CEP135: variants seen among roughly 807,000 people sequenced by gnomAD.
CEP135 encodes the protein centrosomal protein of 135 kDa.
CEP135 carries 142 observed loss-of-function variants against 157.3 expected under a neutral mutation model. The observed-to-expected ratio is 0.90, with a 90% CI of 0.79 to 1.04. The LOEUF is 1.04. Ranked by LOEUF, CEP135 falls within the 50% of genes least tolerant of loss-of-function variation. The pLI, the probability that CEP135 is intolerant of heterozygous loss-of-function variation, is 0.00. For synonymous variants in CEP135, 396 were observed against 439.8 expected, an observed-to-expected ratio of 0.90 and a Z score of 1.25; for missense variants, 1,317 against 1,309.2, an observed-to-expected ratio of 1.01 and a Z score of -0.09.
intron 17 of CEP135, among the ~76,000 whole-genome samples, chr4:56,007,213 T>C (rs1157157572): frequency 6.6e-6 from 1 of 152,172 alleles, no homozygotes; most frequent in Non-Finnish European, 1.5e-5. Context: ...TTGGTTTTCA[T>C]TGGTTACATT....
At chr4:55,958,435 C>A (rs993381978) in intron 5 of CEP135, among the ~76,000 whole-genome samples, 1 of 152,120 alleles carries the variant, frequency 6.6e-6, no homozygotes, top group Non-Finnish European at 1.5e-5. Context: ...ACCCTTTGAG[C>A]TACTGATTAG....
chr4:55,979,304 C>G (rs1025986499), intron 11 of CEP135, among the ~76,000 whole-genome samples: 1 of 151,970 alleles, frequency 6.6e-6, no homozygotes, highest in Non-Finnish European at 1.5e-5. Flanking sequence ...TCAGAGTGCT[C>G]TCATCTTTAT....
intron 21 of CEP135, 112 bp downstream of exon 21, chr4:56,012,097 G>T: frequency 2.8e-6 from 2 of 711,648 alleles, no homozygotes; most frequent in Non-Finnish European, 4.1e-6. Context: ...TGACTCTGTT[G>T]CCCAGGCTGG....
chr4:55,949,749 T>TA (rs776898322), intron 1 of CEP135, among the ~76,000 whole-genome samples: 55 of 152,364 alleles, frequency 3.6e-4, no homozygotes, highest in African/African-American at 1.3e-3. Flanking sequence ...GCTAGAAACT[T>TA]AGAGTATAGC....
At chr4:55,968,285 A>G (rs991852796) in intron 8 of CEP135, among the ~76,000 whole-genome samples, 1 of 152,122 alleles carries the variant, frequency 6.6e-6, no homozygotes, top group East Asian at 1.9e-4. Context: ...ATGGAAAGAC[A>G]TTCCGTGTCC....
chr4:55,949,156 G>C (rs1243332635), intron 1 of CEP135, 97 bp downstream of exon 1: 2 of 152,812 alleles, frequency 1.3e-5, no homozygotes, highest in African/African-American at 2.4e-5. Context: ...GCACTGCCGG[G>C]AGGCCGCGCG....
chr4:56,021,029 A>G (rs2109747643), intron 24 of CEP135, among the ~76,000 whole-genome samples: 2 of 152,340 alleles, frequency 1.3e-5, no homozygotes, highest in Middle Eastern at 3.4e-3. Flanking sequence ...AAATTGTTTA[A>G]TAATCTGAAA....
At chr4:56,028,023 A>G (rs1486547561) in intron 25 of CEP135, among the ~76,000 whole-genome samples, 1 of 152,210 alleles carries the variant, frequency 6.6e-6, no homozygotes, top group African/African-American at 2.4e-5. Context: ...AAGTGAAATC[A>G]TACATGTGTT....
intron 15 of CEP135, among the ~76,000 whole-genome samples, chr4:55,998,829 C>T (rs1730063588): frequency 6.6e-6 from 1 of 152,184 alleles, no homozygotes; most frequent in South Asian, 2.1e-4. Flanking sequence ...CTCACCACTG[C>T]ACTCCAGCCT....
At chr4:55,966,109 C>A in intron 8 of CEP135, 1 of 381,334 alleles carries the variant, frequency 2.6e-6, no homozygotes, top group Non-Finnish European at 4.7e-6. Context: ...AAACTCTAGT[C>A]TGTTTTCCTT....
At chr4:55,967,604 G>A (rs1458330058) in intron 8 of CEP135, among the ~76,000 whole-genome samples, 2 of 152,194 alleles carry the variant, frequency 1.3e-5, no homozygotes, top group African/African-American at 4.8e-5. Context: ...TAAGGATTCA[G>A]ATGCTGATTC....
chr4:55,971,493 A>C, intron 10 of CEP135, 85 bp downstream of exon 10: 3 of 1,269,790 alleles, frequency 2.4e-6, no homozygotes, highest in Non-Finnish European at 3.2e-6. Context: ...TCATTCATTC[A>C]TTCATTCAAT....
chr4:55,964,196 C>A, intron 6 of CEP135, 78 bp from the exon 7 acceptor site: 2 of 1,359,270 alleles, frequency 1.5e-6, no homozygotes, highest in Non-Finnish European at 2.0e-6. Flanking sequence ...AAAATATATC[C>A]AAATAAATGT....
At chr4:55,983,134 G>A (rs1729467167) in intron 13 of CEP135, among the ~76,000 whole-genome samples, 1 of 152,152 alleles carries the variant, frequency 6.6e-6, no homozygotes. Flanking sequence ...TCCAGAAAGT[G>A]TTTTCTTATA....
intron 8 of CEP135, among the ~76,000 whole-genome samples, chr4:55,967,054 A>G (rs1728865027): frequency 1.3e-5 from 2 of 152,016 alleles, no homozygotes; most frequent in Admixed American, 6.5e-5. Context: ...TCATGATCAT[A>G]CTATCATACA....
chr4:55,983,249 G>T (rs779828650), intron 13 of CEP135, among the ~76,000 whole-genome samples: 6 of 152,166 alleles, frequency 3.9e-5, no homozygotes, highest in Non-Finnish European at 5.9e-5. Context: ...AATGACCCAA[G>T]AATGTAAAAA....
intron 21 of CEP135, among the ~76,000 whole-genome samples, chr4:56,015,509 CT>C (rs1299295569): frequency 6.6e-6 from 1 of 152,256 alleles, no homozygotes; most frequent in Non-Finnish European, 1.5e-5. Context: ...TGGGGCCCCC[CT>C]GGCTGGCTCA....
intron 10 of CEP135, 104 bp downstream of exon 10, chr4:55,971,512 G>A: frequency 6.3e-6 from 7 of 1,111,840 alleles, no homozygotes; most frequent in Non-Finnish European, 8.8e-6. Flanking sequence ...ATAAATATTT[G>A]TTGAGTGCTT....
intron 15 of CEP135, among the ~76,000 whole-genome samples, chr4:55,995,481 G>A (rs531559228): frequency 5.6e-4 from 85 of 152,242 alleles, no homozygotes; most frequent in African/African-American, 1.9e-3. Context: ...TGGACACCCT[G>A]TTAGACTGTG....
Sources: gnomAD v4.1 joint callset for allele counts (sites outside exome capture counted in the v4.1 genomes callset) on GRCh38, gnomAD v4.1.1 for gene constraint, MANE v1.5 for transcripts, NCBI Gene and HGNC (gene_info 2026-07-23, HGNC 2026-07-21) for gene names.